Variants in UBE2W observed in about 807,000 individuals in gnomAD.
The protein encoded by UBE2W is ubiquitin conjugating enzyme E2 W.
Under a neutral mutation model 27.2 loss-of-function variants are expected in UBE2W, and 18 were observed. That is an observed-to-expected ratio of 0.66 (90% CI 0.46 to 0.98). The LOEUF (loss-of-function observed/expected upper bound fraction) is 0.98. Among genes scored for constraint, UBE2W ranks in the 50% least tolerant of loss-of-function variants. The probability of loss-of-function intolerance (pLI) is 0.00; values close to 1 mark genes in which losing one functional copy is unlikely to be tolerated. For synonymous variants in UBE2W, 53 were observed against 57.2 expected, an observed-to-expected ratio of 0.93 and a Z score of 0.33; for missense variants, 90 against 180.2, an observed-to-expected ratio of 0.50 and a Z score of 2.87.
intron 1 of UBE2W, among the ~76,000 whole-genome samples, chr8:73,835,683 G>A (rs1436723416): frequency 6.6e-6 from 1 of 152,204 alleles, no homozygotes; most frequent in Non-Finnish European, 1.5e-5. Context: ...GGCAGAGGTT[G>A]CAGTGAGTGA....
At chr8:73,859,564 G>T (rs73340475) in intron 1 of UBE2W, among the ~76,000 whole-genome samples, 4,776 of 152,176 alleles carry the variant, frequency 0.031, 229 homozygotes, top group African/African-American at 0.1. Context: ...TTACTTTATT[G>T]TAAGAATAGA....
chr8:73,838,283 T>A (rs1029006004), intron 1 of UBE2W, among the ~76,000 whole-genome samples: 1 of 152,072 alleles, frequency 6.6e-6, no homozygotes, highest in African/African-American at 2.4e-5. Context: ...TTCCTTTTTT[T>A]CCCCCCGGTA....
chr8:73,867,685 G>A (rs577281960), intron 1 of UBE2W, among the ~76,000 whole-genome samples: 1 of 150,206 alleles, frequency 6.7e-6, no homozygotes, highest in Non-Finnish European at 1.5e-5. Context: ...CCACTCCAGC[G>A]TGAGTGACGG....
chr8:73,858,896 G>A (rs916787984), intron 1 of UBE2W, among the ~76,000 whole-genome samples: 1 of 150,380 alleles, frequency 6.6e-6, no homozygotes, highest in Non-Finnish European at 1.5e-5. Flanking sequence ...GTGTGTGTGT[G>A]TGTGTGTGTG....
intron 3 of UBE2W, among the ~76,000 whole-genome samples, chr8:73,818,907 C>CAG (rs1809497378): frequency 6.6e-6 from 1 of 152,168 alleles, no homozygotes; most frequent in South Asian, 2.1e-4. Flanking sequence ...GTACAGCCTG[C>CAG]AGAACTGTGA....
chr8:73,798,336 T>C (rs1364329423), intron 5 of UBE2W, among the ~76,000 whole-genome samples: 2 of 152,186 alleles, frequency 1.3e-5, no homozygotes, highest in Non-Finnish European at 2.9e-5. Flanking sequence ...ACCCTCAGAA[T>C]ATGTGTTTAA....
chr8:73,878,744 G>C, intron 1 of UBE2W, 64 bp downstream of exon 1: 1 of 1,427,832 alleles, frequency 7.0e-7, no homozygotes, highest in South Asian at 1.2e-5. Flanking sequence ...CGCCACCCCC[G>C]CCCGAACGCT....
intron 1 of UBE2W, among the ~76,000 whole-genome samples, chr8:73,858,931 G>C (rs1238087085): frequency 7.0e-6 from 1 of 142,238 alleles, no homozygotes; most frequent in Admixed American, 7.2e-5. Context: ...CTTTCTTTTT[G>C]GTGAGTCTTC....
chr8:73,825,253 G>A lies in UBE2W; in HGVS notation c.108-4C>T, dbSNP rs754702004. The A allele has an allele frequency of 2.6e-6, 4 of 1,540,560 alleles. No homozygotes were observed. Among genetic ancestry groups the A allele is most frequent in the African/African-American group, 1.4e-5 (1 of 72,124 alleles). On this transcript the variant is annotated splice_region_variant and splice_polypyrimidine_tract_variant and intron_variant, in intron 2 of 5. Coordinates refer to ENST00000602593, the MANE Select transcript of UBE2W (RefSeq NM_018299.6). Reference sequence around the variant, plus strand: ...ACCTTCCATGTCTACAATCCACCTAGAATAGAAAAGGCAAATTAAAAACTT... The same window carrying A: ...ACCTTCCATGTCTACAATCCACCTAAAATAGAAAAGGCAAATTAAAAACTT...
intron 1 of UBE2W, among the ~76,000 whole-genome samples, chr8:73,849,012 G>A (rs138003859): frequency 1.1e-4 from 17 of 151,262 alleles, no homozygotes; most frequent in African/African-American, 3.7e-4. Flanking sequence ...TCACAATAAA[G>A]CTGTCAACAA....
At chr8:73,840,155 C>T (rs1810480677) in intron 1 of UBE2W, among the ~76,000 whole-genome samples, 1 of 152,156 alleles carries the variant, frequency 6.6e-6, no homozygotes, top group African/African-American at 2.4e-5. Context: ...CTCCAAGGTT[C>T]ACACCATTCT....
intron 1 of UBE2W, chr8:73,831,046 T>C (rs992885742): frequency 3.0e-5 from 6 of 200,460 alleles, no homozygotes; most frequent in Non-Finnish European, 6.1e-5. Flanking sequence ...GAACGGAACA[T>C]GGAAACTCCA....
At chr8:73,858,918 T>C (rs1333897806) in intron 1 of UBE2W, among the ~76,000 whole-genome samples, 1 of 149,934 alleles carries the variant, frequency 6.7e-6, no homozygotes, top group African/African-American at 2.5e-5. Context: ...GTTGGTTTTT[T>C]TGCTTTCTTT....
chr8:73,874,906 A>G (rs1286871869), intron 1 of UBE2W, among the ~76,000 whole-genome samples: 1 of 152,182 alleles, frequency 6.6e-6, no homozygotes, highest in Non-Finnish European at 1.5e-5. Flanking sequence ...TACAAAATAC[A>G]AAAACCTGTA....
Position 73,787,194 on chromosome 8 carries a change from A to G in UBE2W, c.*6908T>C. ...AAAATGGTTGAAAGGGGCTCCCAAC[A>G]GGACAGATAACCACAGTGGCTTTGA... On this transcript the variant is annotated 3_prime_UTR_variant, in exon 6 of 6. Transcript: ENST00000602593. 1.0e-6 allele frequency: 1 copy of G among 985,488 alleles called. No homozygotes were observed. Among genetic ancestry groups the G allele is most frequent in the Non-Finnish European group, 1.2e-6 (1 of 829,930 alleles). 61.0% of individuals were successfully genotyped at this position (985,488 alleles called of 1,614,324 possible).
At chr8:73,855,840 TTAAA>T (rs1379540799) in intron 1 of UBE2W, among the ~76,000 whole-genome samples, 1 of 152,168 alleles carries the variant, frequency 6.6e-6, no homozygotes, top group Admixed American at 6.5e-5. Flanking sequence ...TCATTACTTA[TTAAA>T]TGATTCTTAA....
rs1335347094 is a variant in UBE2W, at chr8:73,863,076, G to A, written c.15+15732C>T. Among the ~76,000 whole-genome samples, 203 of 130,966 alleles carry A rather than the reference G, an allele frequency of 1.6e-3. 1 individual carries two copies. Among genetic ancestry groups the A allele is most frequent in the Non-Finnish European group, 2.8e-3 (180 of 65,198 alleles). The allele number at this position is 130,966 out of a possible 152,430, so 85.9% of individuals were successfully genotyped here. ...CATTTGACCCAGCCATCCCATTACT[G>A]GGTATATACCCAAATGACTATAAAT... On this transcript the variant is annotated intron_variant, in intron 1 of 5. Coordinates refer to ENST00000602593, the MANE Select transcript of UBE2W (RefSeq NM_018299.6).
rs569349484 is a variant in UBE2W at position 73,788,795 on chromosome 8, A to T, written c.*5307T>A. 6.9e-5 allele frequency: 68 copies of T among 985,374 alleles called. No individual in the cohort carries two copies. In the African/African-American group the frequency reaches 1.1e-3, roughly 15 times the overall value. The allele number at this position is 985,374 out of a possible 1,614,324, so 61.0% of individuals were successfully genotyped here. ...ACCATCCTTTTCTCAAAACCCAGAG[A>T]GTGTATGTGCCAAGGACTAGAACAA... is the stretch of plus-strand genomic sequence containing the variant. On this transcript the variant is annotated 3_prime_UTR_variant, in exon 6 of 6. Coordinates refer to ENST00000602593, the MANE Select transcript of UBE2W (RefSeq NM_018299.6).
At position 73,792,341 on chromosome 8, in the gene UBE2W, C is replaced by T. The variant is rs1309113479; in HGVS notation, c.*1761G>A. The T allele has an allele frequency of 8.1e-6, 8 of 984,854 alleles. No homozygotes were observed. Among genetic ancestry groups the T allele is most frequent in the Middle Eastern group, 5.2e-4 (1 of 1,936 alleles). 61.0% of individuals were successfully genotyped at this position (984,854 alleles called of 1,614,324 possible). ...GTGTCCACAATTTGGTGGCTGGCCA[C>T]GGTTTTAATTTTTTTTTTCAAGTTA... On this transcript the variant is annotated 3_prime_UTR_variant, in exon 6 of 6. Coordinates refer to ENST00000602593, the MANE Select transcript of UBE2W (RefSeq NM_018299.6).
Sources: allele counts gnomAD v4.1 joint callset (sites outside exome capture counted in the v4.1 genomes callset), GRCh38; gene constraint gnomAD v4.1.1; transcripts MANE v1.5; gene names NCBI Gene and HGNC (gene_info 2026-07-23, HGNC 2026-07-21).